The following SRGAP1 variants were observed in gnomAD, a reference collection of about 807,000 sequenced individuals.
SRGAP1 encodes SLIT-ROBO Rho GTPase activating protein 1.
Under a neutral mutation model 121.9 loss-of-function variants are expected in SRGAP1, and 43 were observed. The observed-to-expected ratio is 0.35, with a 90% CI of 0.28 to 0.46. The LOEUF (loss-of-function observed/expected upper bound fraction) is 0.46. Among genes scored for constraint, SRGAP1 ranks in the 20% least tolerant of loss-of-function variants. SRGAP1 has a pLI of 1.00. For synonymous variants in SRGAP1, 447 were observed against 485.4 expected (o/e 0.92, Z 1.04); for missense variants, 1,102 against 1,350.9 (o/e 0.82, Z 2.89).
chr12:63,969,035 G>A (rs1002305426), intron 1 of SRGAP1, among the ~76,000 whole-genome samples: 4 of 152,148 alleles, frequency 2.6e-5, no homozygotes, highest in South Asian at 4.1e-4. Context: ...ACTGTGGGTC[G>A]GTGTGGAAAG....
At chr12:64,142,210 A>T in intron 21 of SRGAP1, 85 bp from the exon 22 acceptor site, 2 of 1,443,846 alleles carry the variant, frequency 1.4e-6, no homozygotes, top group Non-Finnish European at 1.9e-6. Context: ...TGGGCCGTTT[A>T]CTTTGAAATT....
At chr12:63,882,624 A>G (rs959393849) in intron 1 of SRGAP1, among the ~76,000 whole-genome samples, 6 of 152,248 alleles carry the variant, frequency 3.9e-5, no homozygotes, top group Admixed American at 6.5e-5. Context: ...AAGACCAAAC[A>G]TAAGTTATCC....
chr12:64,005,066 C>T (rs576998067), intron 3 of SRGAP1, among the ~76,000 whole-genome samples: 128 of 152,262 alleles, frequency 8.4e-4, no homozygotes, highest in African/African-American at 2.9e-3. Flanking sequence ...AGATTTATTT[C>T]AGTACCTCTT....
chr12:63,887,968 G>A (rs1043292500), intron 1 of SRGAP1: 2 of 152,200 alleles, frequency 1.3e-5, no homozygotes, highest in Non-Finnish European at 2.9e-5. Context: ...TGAAGATTTT[G>A]AACTGTACTT....
Position 64,111,767 on chromosome 12 carries a change from CACAGT to C in SRGAP1, c.1930_1934del (p.Tyr644ArgfsTer2). ...TTTCTTGTTTCCTTTTGTAGTCTAT[CACAGT>C]ACAGCGATGAGAATATGATGGACCC... is the stretch of plus-strand genomic sequence containing the variant. On this transcript the variant is annotated frameshift_variant, in exon 17 of 22. Coordinates refer to ENST00000355086, the MANE Select transcript of SRGAP1 (RefSeq NM_020762.4). LOFTEE classifies it high-confidence loss of function. The C allele has an allele frequency of 6.3e-7, 1 of 1,598,470 alleles. No homozygotes were observed. The highest frequency in any genetic ancestry group is 8.6e-7 in the Non-Finnish European group (1 of 1,169,284).
intron 3 of SRGAP1, among the ~76,000 whole-genome samples, chr12:64,009,403 C>T (rs771073389): frequency 3.9e-5 from 6 of 152,122 alleles, no homozygotes; most frequent in Non-Finnish European, 7.4e-5. Flanking sequence ...AATGAAGACG[C>T]TTGTTTCATC....
chr12:64,051,620 C>T (rs2035240962), intron 6 of SRGAP1, among the ~76,000 whole-genome samples: 1 of 152,072 alleles, frequency 6.6e-6, no homozygotes, highest in African/African-American at 2.4e-5. Context: ...TTTAATAATT[C>T]AACACTTTAA....
At chr12:63,949,012 T>TC (rs1555243805) in intron 1 of SRGAP1, among the ~76,000 whole-genome samples, 1 of 92,016 alleles carries the variant, frequency 1.1e-5, no homozygotes, top group African/African-American at 5.0e-5. Context: ...ATATATATAT[T>TC]CATATATGTA....
At chr12:64,054,731 A>C (rs1047724853) in intron 6 of SRGAP1, among the ~76,000 whole-genome samples, 1 of 148,798 alleles carries the variant, frequency 6.7e-6, no homozygotes, top group African/African-American at 2.5e-5. Context: ...TTTTGTTTTA[A>C]GTTTTTTTTT....
rs546328590 is a variant in SRGAP1 at position 64,006,310 on chromosome 12, G to A, written c.427-10640G>A. On this transcript the variant is annotated intron_variant, in intron 3 of 21. Coordinates refer to ENST00000355086, the MANE Select transcript of SRGAP1 (RefSeq NM_020762.4). ...ATAAGGGTAGATAAGACTCCTGGTG[G>A]CCCCTTAACAGCAATGAGTTTTAAA... Among the ~76,000 whole-genome samples, 25 of 152,240 alleles carry A rather than the reference G, an allele frequency of 1.6e-4. 1 individual carries two copies. The highest frequency in any genetic ancestry group is 5.8e-4 in the African/African-American group (24 of 41,548).
intron 17 of SRGAP1, among the ~76,000 whole-genome samples, chr12:64,113,237 G>T (rs944223397): frequency 6.6e-6 from 1 of 151,796 alleles, no homozygotes; most frequent in Non-Finnish European, 1.5e-5. Context: ...GTGAAACCCC[G>T]TCTCTACTAA....
At chr12:63,923,643 C>A (rs1055412224) in intron 1 of SRGAP1, among the ~76,000 whole-genome samples, 1 of 152,086 alleles carries the variant, frequency 6.6e-6, no homozygotes, top group Non-Finnish European at 1.5e-5. Flanking sequence ...TAAGCAAGAC[C>A]CTTTGGTAAC....
At chr12:64,113,270 T>C (rs1490767164) in intron 17 of SRGAP1, among the ~76,000 whole-genome samples, 1 of 151,988 alleles carries the variant, frequency 6.6e-6, no homozygotes, top group Non-Finnish European at 1.5e-5. Context: ...TAGCCAGGCA[T>C]GGTGGTACGT....
chr12:64,111,502 T>C (rs1487729229), intron 16 of SRGAP1, among the ~76,000 whole-genome samples: 1 of 152,180 alleles, frequency 6.6e-6, no homozygotes. Context: ...TATGTGATCC[T>C]GGTCTCCATT....
intron 4 of SRGAP1, among the ~76,000 whole-genome samples, chr12:64,035,874 C>T (rs2034892874): frequency 6.6e-6 from 1 of 152,202 alleles, no homozygotes; most frequent in Non-Finnish European, 1.5e-5. Flanking sequence ...CCAAAGCCTG[C>T]ACTGTTACTT....
At chr12:64,122,921 A>T (rs2136631904) in intron 18 of SRGAP1, among the ~76,000 whole-genome samples, 1 of 152,302 alleles carries the variant, frequency 6.6e-6, no homozygotes, top group South Asian at 2.1e-4. Context: ...TAATAATAAG[A>T]GGAGATGATC....
intron 21 of SRGAP1, among the ~76,000 whole-genome samples, chr12:64,138,114 C>T (rs2036888563): frequency 6.6e-6 from 1 of 152,052 alleles, no homozygotes; most frequent in Admixed American, 6.6e-5. Flanking sequence ...CATTAAACAG[C>T]TCCCATTTCA....
At chr12:63,977,842 C>T (rs1592998989) in intron 1 of SRGAP1, among the ~76,000 whole-genome samples, 1 of 152,222 alleles carries the variant, frequency 6.6e-6, no homozygotes, top group East Asian at 1.9e-4. Context: ...TCCATTAAAA[C>T]TGCCATTATG....
rs142010424 is a variant in SRGAP1, at chr12:63,948,484, T to C, written c.68-35463T>C. On this transcript the variant is annotated intron_variant, in intron 1 of 21. Transcript: ENST00000355086. ...GGACACAGTCATCTCTGTCTTGGGA[T>C]ATCCCATTCCTACCTTTCTTCTTGA... Among the ~76,000 whole-genome samples, 361 of 152,314 alleles carry C rather than the reference T, an allele frequency of 2.4e-3. 1 individual carries two copies. Among genetic ancestry groups the C allele is most frequent in the African/African-American group, 8.2e-3 (340 of 41,580 alleles).
Sources: gnomAD v4.1 joint callset for allele counts (sites outside exome capture counted in the v4.1 genomes callset) on GRCh38, gnomAD v4.1.1 for gene constraint, MANE v1.5 for transcripts, NCBI Gene and HGNC (gene_info 2026-07-23, HGNC 2026-07-21) for gene names.